FCRL5: variants seen among roughly 807,000 people sequenced by gnomAD.
FCRL5 encodes the protein Fc receptor-like protein 5.
Under a neutral mutation model 92.1 loss-of-function variants are expected in FCRL5, and 79 were observed. The observed-to-expected ratio is 0.86, with a 90% CI of 0.72 to 1.03. The LOEUF (loss-of-function observed/expected upper bound fraction) is 1.03, where lower values mean the gene tolerates loss of function less well. Ranked by LOEUF, FCRL5 falls within the 50% of genes least tolerant of loss-of-function variation. FCRL5 has a pLI of 0.00. For missense variants in FCRL5, 1,160 were observed against 1,181.1 expected (o/e 0.98, Z 0.26); for synonymous variants, 466 against 469.3 (o/e 0.99, Z 0.09).
chr1:157,530,978 G>A (rs181150915), intron 8 of FCRL5, among the ~76,000 whole-genome samples: 84 of 152,226 alleles, frequency 5.5e-4, no homozygotes, highest in African/African-American at 1.9e-3. Flanking sequence ...TTAGACAAAT[G>A]GGATTACATC....
chr1:157,521,128 C>T lies in FCRL5; in HGVS notation c.2404G>A (p.Gly802Arg), dbSNP rs1251910824. Reference sequence around the variant, plus strand: ...GTCAGAGAGAGGTTTAAGGACGCTCCTCCAGAGGGGGACGACCTATTTCCT... The same window carrying T: ...GTCAGAGAGAGGTTTAAGGACGCTCTTCCAGAGGGGGACGACCTATTTCCT... ...TLGNRSSPSG[G>R]ASLNLSLTAE... Residue 802 changes from glycine (G) to arginine (R), a missense_variant, in exon 11 of 17, where the codon GGA becomes AGA. Physicochemically the swap from Gly to Arg is moderately radical, Grantham distance 125. Coordinates refer to ENST00000361835, the MANE Select transcript of FCRL5 (RefSeq NM_031281.3). 1 of 1,614,156 alleles carries T rather than the reference C, an allele frequency of 6.2e-7. No homozygotes were observed. Among genetic ancestry groups the T allele is most frequent in the Non-Finnish European group, 8.5e-7 (1 of 1,180,046 alleles).
At position 157,547,022 on chromosome 1, in the gene FCRL5, C is replaced by G. The variant is rs1651571505; in HGVS notation, c.228G>C (p.Glu76Asp). The G allele has an allele frequency of 6.2e-7, 1 of 1,614,174 alleles. No individual in the cohort carries two copies. The highest frequency in any genetic ancestry group is 2.2e-5 in the East Asian group (1 of 44,878). ...ILRETPDNIL[E>D]VQESGEYRCQ... is the part of the protein sequence containing the mutation. ...ATCTGTACTCTCCAGATTCCTGAAC[C>G]TCAAGGATATTGTCTGGGGTTTCTC... The change falls in exon 3 of 17, where the codon GAG becomes GAC. Residue 76 changes from glutamate to aspartate, a missense_variant. Physicochemically the swap from Glu to Asp is conservative, Grantham distance 45. Coordinates refer to ENST00000361835, the MANE Select transcript of FCRL5 (RefSeq NM_031281.3).
rs1025373990 is a variant in FCRL5 at position 157,521,356 on chromosome 1, T to C, written c.2240-64A>G. The C allele has an allele frequency of 3.7e-5, 55 of 1,506,064 alleles. No homozygotes were observed. The South Asian group carries it at 7.4e-4, about 20-fold the overall frequency. The allele number at this position is 1,506,064 out of a possible 1,614,324, so 93.3% of individuals were successfully genotyped here. Reference sequence around the variant, plus strand: ...TAACATATTTGTAAGAAACAAAAGGTATCATAAACAAATGTAAAAAGTCAT... The same window carrying C: ...TAACATATTTGTAAGAAACAAAAGGCATCATAAACAAATGTAAAAAGTCAT... On this transcript the variant is annotated intron_variant, in intron 10 of 16. Coordinates refer to ENST00000361835, the MANE Select transcript of FCRL5 (RefSeq NM_031281.3).
rs1464694956 is a variant in FCRL5, at chr1:157,515,348, C to T, written c.*327G>A. On this transcript the variant is annotated 3_prime_UTR_variant, in exon 17 of 17. Coordinates refer to ENST00000361835, the MANE Select transcript of FCRL5 (RefSeq NM_031281.3). The stretch of plus-strand genomic sequence containing the variant: ...CACTCTCCCTTTGTGTGGTAAGACC[C>T]CCTCTGTGGGGGTGTGATGAGAGCA... 3 of 370,934 alleles carry T rather than the reference C, an allele frequency of 8.1e-6. No homozygotes were observed. Among genetic ancestry groups the T allele is most frequent in the Non-Finnish European group, 1.5e-5 (3 of 198,188 alleles). The allele number at this position is 370,934 out of a possible 1,614,324, so 23.0% of individuals were successfully genotyped here. A position where few individuals can be genotyped will look rare whatever the true frequency, so the allele number is the denominator to read the frequency against.
At chr1:157,529,481 A>C (rs1650588570) in intron 8 of FCRL5, among the ~76,000 whole-genome samples, 1 of 152,240 alleles carries the variant, frequency 6.6e-6, no homozygotes, top group Non-Finnish European at 1.5e-5. Context: ...ATTATATGAA[A>C]AAGACACTTG....
At position 157,515,668 on chromosome 1, in the gene FCRL5, T is replaced by C. The variant is rs766266326; in HGVS notation, c.*7A>G. The C allele has an allele frequency of 8.1e-6, 13 of 1,614,006 alleles. No individual in the cohort carries two copies. The highest frequency in any genetic ancestry group is 8.5e-6 in the Non-Finnish European group (10 of 1,180,024). On this transcript the variant is annotated 3_prime_UTR_variant, in exon 17 of 17. Coordinates refer to ENST00000361835, the MANE Select transcript of FCRL5 (RefSeq NM_031281.3). ...GGCTGAAACAGCAGTTGGAGAGACGTGTGGACTCATCTGTGAGGAGCTGAG... is the reference window on the plus strand; with the variant it reads ...GGCTGAAACAGCAGTTGGAGAGACGCGTGGACTCATCTGTGAGGAGCTGAG...
rs919069499 is a variant in FCRL5 at position 157,515,431 on chromosome 1, G to A, written c.*244C>T. ...CTAAGGAATCCAGGAGATGTGCTGG[G>A]CCCTGGAGTGGGAGCACCTTGCCAC... On this transcript the variant is annotated 3_prime_UTR_variant, in exon 17 of 17. Transcript: ENST00000361835. The A allele has an allele frequency of 9.9e-5, 63 of 639,064 alleles. No individual in the cohort carries two copies. In the Admixed American group the frequency reaches 1.1e-3, roughly 11 times the overall value. 39.6% of individuals were successfully genotyped at this position (639,064 alleles called of 1,614,324 possible). A position where few individuals can be genotyped will look rare whatever the true frequency, so the allele number is the denominator to read the frequency against.
At chr1:157,535,395 C>T (rs1229632919) in intron 7 of FCRL5, among the ~76,000 whole-genome samples, 1 of 152,190 alleles carries the variant, frequency 6.6e-6, no homozygotes, top group Non-Finnish European at 1.5e-5. Flanking sequence ...TTAACTATCT[C>T]CATATAAGAA....
At chr1:157,525,171 A>C (rs1401192864) in intron 9 of FCRL5, among the ~76,000 whole-genome samples, 1 of 152,256 alleles carries the variant, frequency 6.6e-6, no homozygotes, top group Non-Finnish European at 1.5e-5. Context: ...ATTAAATAAA[A>C]ATACAGTAAA....
chr1:157,530,428 G>A (rs947067731), intron 8 of FCRL5, among the ~76,000 whole-genome samples: 8 of 152,262 alleles, frequency 5.3e-5, no homozygotes, highest in Admixed American at 1.3e-4. Context: ...GTGCAATGGC[G>A]CGATCTTGGC....
Position 157,513,878 on chromosome 1 carries a change from CCTT to C in FCRL5, c.*1794_*1796del, listed in dbSNP as rs930468804. 1.3e-5 allele frequency: 2 copies of C among 152,202 alleles called. No individual in the cohort carries two copies. Among genetic ancestry groups the C allele is most frequent in the African/African-American group, 4.8e-5 (2 of 41,432 alleles). 9.4% of individuals were successfully genotyped at this position (152,202 alleles called of 1,614,324 possible). On this transcript the variant is annotated 3_prime_UTR_variant, in exon 17 of 17. Coordinates refer to ENST00000361835, the MANE Select transcript of FCRL5 (RefSeq NM_031281.3). The stretch of plus-strand genomic sequence containing the variant: ...ATCCTGAGCCTATGCTTGCTGCTGT[CCTT>C]CTTGACTTTCAACTAGGCCTAAAAA...
Position 157,542,858 on chromosome 1 carries a change from C to A in FCRL5, c.1123+1G>T. The A allele has an allele frequency of 6.2e-7, 1 of 1,610,410 alleles. No homozygotes were observed. Among genetic ancestry groups the A allele is most frequent in the Non-Finnish European group, 8.5e-7 (1 of 1,178,446 alleles). On this transcript the variant is annotated splice_donor_variant, in intron 6 of 16. Transcript: ENST00000361835. LOFTEE classifies it high-confidence loss of function. ...GTGATTGGCAGGAATGCAGGGCTTACCAGTGACTGAGAGGCTCACAGCCTT... is the reference window on the plus strand; with the variant it reads ...GTGATTGGCAGGAATGCAGGGCTTAACAGTGACTGAGAGGCTCACAGCCTT...
rs1338125255 is a variant in FCRL5, at chr1:157,539,317, T to C, written c.1171A>G (p.Ile391Val). The C allele has an allele frequency of 1.9e-6, 3 of 1,614,006 alleles. No homozygotes were observed. The highest frequency in any genetic ancestry group is 2.5e-6 in the Non-Finnish European group (3 of 1,179,974). Residue 391 changes from isoleucine (I) to valine (V), a missense_variant, in exon 7 of 17, where the codon ATT becomes GTT. Ile to Val is a conservative substitution (Grantham distance 29, BLOSUM62 3). Coordinates refer to ENST00000361835, the MANE Select transcript of FCRL5 (RefSeq NM_031281.3). Reference sequence around the variant, plus strand: ...AGTGTCACCTTGGCTCCCTCAAAAATCAGGTCCTCAGGAGAGCTGAGGTTG... The same window carrying C: ...AGTGTCACCTTGGCTCCCTCAAAAACCAGGTCCTCAGGAGAGCTGAGGTTG... ...VLNLSSPEDLIFEGAKVTLHC... is the reference protein window; with the variant it reads ...VLNLSSPEDLVFEGAKVTLHC...
intron 8 of FCRL5, among the ~76,000 whole-genome samples, chr1:157,530,596 G>A (rs1650653724): frequency 2.6e-5 from 4 of 152,310 alleles, no homozygotes; most frequent in East Asian, 1.9e-4. Flanking sequence ...CCAACCTCAG[G>A]TGATCTGCCC....
chr1:157,528,152 T>C (rs1650523702), intron 8 of FCRL5: 1 of 324,010 alleles, frequency 3.1e-6, no homozygotes, highest in Non-Finnish European at 5.6e-6. Context: ...CACAAATCAG[T>C]AACACTGCTA....
intron 15 of FCRL5, chr1:157,516,104 T>C: frequency 3.2e-6 from 2 of 618,388 alleles, no homozygotes; most frequent in South Asian, 1.9e-5. Context: ...TGTGGCCCAC[T>C]CTGAGCTGCC....
At chr1:157,530,470 G>A (rs1351774603) in intron 8 of FCRL5, among the ~76,000 whole-genome samples, 2 of 152,192 alleles carry the variant, frequency 1.3e-5, no homozygotes, top group African/African-American at 4.8e-5. Context: ...GGGTTGAAGC[G>A]ATTCTCCTGC....
chr1:157,547,824 G>T (rs1219720831), intron 2 of FCRL5, among the ~76,000 whole-genome samples: 1 of 152,204 alleles, frequency 6.6e-6, no homozygotes, highest in Non-Finnish European at 1.5e-5. Context: ...CTGTTCATGG[G>T]TTCTCAATTA....
At chr1:157,542,805 G>C in intron 6 of FCRL5, 54 bp downstream of exon 6, 4 of 1,573,498 alleles carry the variant, frequency 2.5e-6, no homozygotes, top group Non-Finnish European at 2.6e-6. Context: ...GAAGGGCAGG[G>C]TGAGGCAGGA....
Sources: allele counts gnomAD v4.1 joint callset (sites outside exome capture counted in the v4.1 genomes callset), GRCh38; gene constraint gnomAD v4.1.1; transcripts MANE v1.5; gene names NCBI Gene and HGNC (gene_info 2026-07-23, HGNC 2026-07-21).